Variants in DGKI observed in about 807,000 individuals in gnomAD.
DGKI encodes DAG kinase iota.
DGKI carries 55 observed loss-of-function variants against 147.5 expected under a neutral mutation model. That is an observed-to-expected ratio of 0.37 (90% CI 0.30 to 0.47). The LOEUF is 0.47. Ranked by LOEUF, DGKI falls within the 20% of genes least tolerant of loss-of-function variation. The probability of loss-of-function intolerance (pLI) is 1.00; values close to 1 mark genes in which losing one functional copy is unlikely to be tolerated. For missense variants in DGKI, 1,007 were observed against 1,323.8 expected (o/e 0.76, Z 3.71); for synonymous variants, 469 against 477.1 (o/e 0.98, Z 0.22).
At chr7:137,424,538 A>C (rs1360383684) in intron 28 of DGKI, among the ~76,000 whole-genome samples, 2 of 152,174 alleles carry the variant, frequency 1.3e-5, no homozygotes, top group African/African-American at 4.8e-5. Flanking sequence ...CAGTGGGCAC[A>C]GGACAGTGGA....
At chr7:137,841,218 CGAG>C (rs1290090895) in intron 1 of DGKI, among the ~76,000 whole-genome samples, 1 of 152,180 alleles carries the variant, frequency 6.6e-6, no homozygotes, top group Non-Finnish European at 1.5e-5. Flanking sequence ...TCATACCAAT[CGAG>C]GAGTTTTCCT....
intron 1 of DGKI, among the ~76,000 whole-genome samples, chr7:137,707,811 C>A (rs1364881787): frequency 6.6e-6 from 1 of 152,168 alleles, no homozygotes; most frequent in Non-Finnish European, 1.5e-5. Context: ...TTTTTTATAG[C>A]AAAGTGAGAA....
At chr7:137,495,241 G>A (rs116163424) in intron 21 of DGKI, among the ~76,000 whole-genome samples, 2,337 of 151,744 alleles carry the variant, frequency 0.015, 64 homozygotes, top group African/African-American at 0.053. Context: ...AGATTGAACC[G>A]GGAAGAAATT....
chr7:137,719,750 A>G (rs772965099), intron 1 of DGKI, among the ~76,000 whole-genome samples: 1 of 152,124 alleles, frequency 6.6e-6, no homozygotes, highest in Non-Finnish European at 1.5e-5. Context: ...TTACTTTGTC[A>G]TTTCTGTTAC....
At chr7:137,742,235 A>T (rs1795193592) in intron 1 of DGKI, among the ~76,000 whole-genome samples, 1 of 148,904 alleles carries the variant, frequency 6.7e-6, no homozygotes, top group African/African-American at 2.5e-5. Context: ...CCCTCCTTCC[A>T]CCCCCAACCC....
chr7:137,813,499 T>C (rs1330803053), intron 1 of DGKI, among the ~76,000 whole-genome samples: 2 of 152,126 alleles, frequency 1.3e-5, no homozygotes, highest in Admixed American at 1.3e-4. Flanking sequence ...ACCACCCCCT[T>C]GGGTGTTGAG....
At chr7:137,710,847 A>G (rs1794187641) in intron 1 of DGKI, among the ~76,000 whole-genome samples, 1 of 152,198 alleles carries the variant, frequency 6.6e-6, no homozygotes, top group South Asian at 2.1e-4. Flanking sequence ...AAGATTAGCC[A>G]CAAAATAAAA....
At chr7:137,610,726 TC>T (rs1303455291) in intron 8 of DGKI, among the ~76,000 whole-genome samples, 3 of 152,244 alleles carry the variant, frequency 2.0e-5, no homozygotes, top group African/African-American at 7.2e-5. Flanking sequence ...TTTAATGTAT[TC>T]TTTTTTCTTT....
chr7:137,787,013 A>G (rs1243508254), intron 1 of DGKI, among the ~76,000 whole-genome samples: 1 of 152,252 alleles, frequency 6.6e-6, no homozygotes, highest in African/African-American at 2.4e-5. Flanking sequence ...ACCTGAAACC[A>G]TAAAGATTAT....
At chr7:137,807,111 G>C (rs934671772) in intron 1 of DGKI, among the ~76,000 whole-genome samples, 1 of 152,206 alleles carries the variant, frequency 6.6e-6, no homozygotes, top group Non-Finnish European at 1.5e-5. Context: ...TTACGAGATA[G>C]TTTATTTTAT....
At position 137,471,927 on chromosome 7, in the gene DGKI, TG is replaced by T. The variant is rs1208803782; in HGVS notation, c.2374-2309del. On this transcript the variant is annotated intron_variant, in intron 23 of 32. Coordinates refer to ENST00000614521, the MANE Select transcript of DGKI (RefSeq NM_001321708.2). The stretch of plus-strand genomic sequence containing the variant: ...CTCTCTTGCTCTCTATATGTATATA[TG>T]TATATATAATATATACACATGTATA... Among the ~76,000 whole-genome samples the T allele has an allele frequency of 1.2e-4, 17 of 141,908 alleles. No homozygotes were observed. The East Asian group carries it at 2.6e-3, about 22-fold the overall frequency. 93.1% of individuals were successfully genotyped at this position (141,908 alleles called of 152,430 possible).
At chr7:137,653,128 T>G (rs982675998) in intron 5 of DGKI, among the ~76,000 whole-genome samples, 1 of 151,710 alleles carries the variant, frequency 6.6e-6, no homozygotes, top group Non-Finnish European at 1.5e-5. Context: ...GTATGTGTGT[T>G]TGTGTGTGTG....
chr7:137,440,392 G>A (rs1585117409), intron 28 of DGKI, among the ~76,000 whole-genome samples: 1 of 152,274 alleles, frequency 6.6e-6, no homozygotes, highest in African/African-American at 2.4e-5. Context: ...GGGAGAAGTT[G>A]TTATTTTTGT....
intron 1 of DGKI, among the ~76,000 whole-genome samples, chr7:137,705,837 T>C (rs965859418): frequency 1.3e-5 from 2 of 152,138 alleles, no homozygotes; most frequent in African/African-American, 4.8e-5. Flanking sequence ...TTCTCTGATA[T>C]TCAATGTGAT....
intron 27 of DGKI, chr7:137,454,793 G>C (rs1362361798): frequency 7.9e-5 from 12 of 152,196 alleles, no homozygotes; most frequent in Admixed American, 7.9e-4. Context: ...GAAAAGCCAA[G>C]CTGCCAGCTT....
Position 137,623,558 on chromosome 7 carries a change from G to A in DGKI, c.805-4C>T. On this transcript the variant is annotated splice_polypyrimidine_tract_variant and splice_region_variant and intron_variant, in intron 6 of 32. Coordinates refer to ENST00000614521, the MANE Select transcript of DGKI (RefSeq NM_001321708.2). ...AGGAGAACTTTTGCTGGAAGCCCTG[G>A]GATATTAGAACAAGAGACAGATAAT... 1 of 1,613,332 alleles carries A rather than the reference G, an allele frequency of 6.2e-7. No individual in the cohort carries two copies. Among genetic ancestry groups the A allele is most frequent in the East Asian group, 2.2e-5 (1 of 44,864 alleles).
chr7:137,598,015 A>T lies in DGKI; in HGVS notation c.1251-108T>A. On this transcript the variant is annotated intron_variant, in intron 11 of 32. Coordinates refer to ENST00000614521, the MANE Select transcript of DGKI (RefSeq NM_001321708.2). ...GGTAGGGGTGGTGTCCGCTGGAGAA[A>T]ATGTGTAATCATGAGGATGACAATG... The T allele has an allele frequency of 3.3e-6, 3 of 901,156 alleles. No homozygotes were observed. In the South Asian group the frequency reaches 4.4e-5, roughly 13 times the overall value. The allele number at this position is 901,156 out of a possible 1,614,324, so 55.8% of individuals were successfully genotyped here.
intron 19 of DGKI, among the ~76,000 whole-genome samples, chr7:137,561,945 G>A (rs1017404476): frequency 6.6e-6 from 1 of 152,026 alleles, no homozygotes; most frequent in Admixed American, 6.6e-5. Context: ...CAAAGAATGA[G>A]GATAAAATAA....
At chr7:137,545,311 T>C (rs556226018) in intron 20 of DGKI, among the ~76,000 whole-genome samples, 1 of 152,266 alleles carries the variant, frequency 6.6e-6, no homozygotes, top group Admixed American at 6.5e-5. Context: ...ACAAAATAAT[T>C]CTGAGCTGAA....
Sources: allele counts gnomAD v4.1 joint callset (sites outside exome capture counted in the v4.1 genomes callset), GRCh38; gene constraint gnomAD v4.1.1; transcripts MANE v1.5; gene names NCBI Gene and HGNC (gene_info 2026-07-23, HGNC 2026-07-21).